LHFPL3: variants seen among roughly 807,000 people sequenced by gnomAD.
LHFPL3 encodes the protein LHFPL tetraspan subfamily member 3.
A neutral mutation model predicts 19.3 loss-of-function variants in LHFPL3; 5 were observed. That is an observed-to-expected ratio of 0.26 (90% CI 0.14 to 0.54). The LOEUF is 0.54. LHFPL3 is among the 20% of genes least tolerant of loss of function. LHFPL3 has a pLI of 0.94. For synonymous variants in LHFPL3, 133 were observed against 126.2 expected, an observed-to-expected ratio of 1.05 and a Z score of -0.36; for missense variants, 249 against 307.4, an observed-to-expected ratio of 0.81 and a Z score of 1.42.
intron 1 of LHFPL3, among the ~76,000 whole-genome samples, chr7:104,339,063 C>T (rs1378435599): frequency 2.6e-5 from 4 of 152,070 alleles, no homozygotes; most frequent in African/African-American, 9.7e-5. Flanking sequence ...GCCTGACCAA[C>T]ATGGTGAAAC....
intron 1 of LHFPL3, among the ~76,000 whole-genome samples, chr7:104,717,460 G>A (rs1465220927): frequency 1.3e-5 from 2 of 152,004 alleles, no homozygotes; most frequent in East Asian, 3.9e-4. Context: ...ACACAATAGA[G>A]AAAAACTAAT....
intron 1 of LHFPL3, among the ~76,000 whole-genome samples, chr7:104,525,797 G>C (rs773601022): frequency 6.6e-6 from 1 of 152,048 alleles, no homozygotes; most frequent in African/African-American, 2.4e-5. Flanking sequence ...AGTAGAGACA[G>C]AGTTTTGCCA....
At chr7:104,468,358 A>G (rs1237048952) in intron 1 of LHFPL3, among the ~76,000 whole-genome samples, 2 of 152,186 alleles carry the variant, frequency 1.3e-5, no homozygotes, top group Non-Finnish European at 2.9e-5. Flanking sequence ...GCGATTTTTA[A>G]TTTCCCAACC....
At chr7:104,900,560 A>G (rs1792463128) in intron 2 of LHFPL3, among the ~76,000 whole-genome samples, 1 of 152,166 alleles carries the variant, frequency 6.6e-6, no homozygotes, top group Admixed American at 6.5e-5. Flanking sequence ...CTGTGTTGAA[A>G]TCGGTATGTC....
intron 2 of LHFPL3, among the ~76,000 whole-genome samples, chr7:104,748,266 C>T (rs1794088755): frequency 6.6e-6 from 1 of 151,902 alleles, no homozygotes; most frequent in Non-Finnish European, 1.5e-5. Flanking sequence ...TCCAAGGTTT[C>T]TCCCCATGTG....
rs1792417516 is a variant in LHFPL3, at chr7:104,668,892, A to C, written c.446-67783A>C. On this transcript the variant is annotated intron_variant, in intron 1 of 2. Coordinates refer to ENST00000424859, the MANE Select transcript of LHFPL3 (RefSeq NM_199000.3). Reference sequence around the variant, plus strand: ...GTAGAAGAACGGCTACGAAGGAACAAGAGAAGTTGCAGCGTCAGCTGGATG... The same window carrying C: ...GTAGAAGAACGGCTACGAAGGAACACGAGAAGTTGCAGCGTCAGCTGGATG... The C allele has an allele frequency of 1.1e-5, 17 of 1,612,206 alleles. No individual in the cohort carries two copies. The South Asian group carries it at 1.5e-4, about 15-fold the overall frequency.
chr7:104,372,533 T>A (rs1309274987), intron 1 of LHFPL3, among the ~76,000 whole-genome samples: 10 of 152,184 alleles, frequency 6.6e-5, no homozygotes, highest in Non-Finnish European at 2.9e-5. Context: ...GGAGGCAATA[T>A]GCTGTGGAGG....
chr7:104,866,563 CAG>C (rs1791726500), intron 2 of LHFPL3, among the ~76,000 whole-genome samples: 2 of 152,170 alleles, frequency 1.3e-5, no homozygotes, highest in Admixed American at 1.3e-4. Flanking sequence ...CAGGAGCACC[CAG>C]ATTCATAAAG....
intron 1 of LHFPL3, among the ~76,000 whole-genome samples, chr7:104,423,782 A>G: frequency 6.6e-6 from 1 of 151,862 alleles, no homozygotes; most frequent in African/African-American, 2.4e-5. Context: ...TCAAGGCTGC[A>G]GTGAGCCGTG....
intron 1 of LHFPL3, among the ~76,000 whole-genome samples, chr7:104,583,138 G>A (rs1053803721): frequency 4.0e-5 from 6 of 151,882 alleles, no homozygotes; most frequent in Non-Finnish European, 5.9e-5. Flanking sequence ...ACAGAACAGA[G>A]CCCTCAGAAA....
chr7:104,875,667 A>G (rs1165848135), intron 2 of LHFPL3, among the ~76,000 whole-genome samples: 1 of 152,250 alleles, frequency 6.6e-6, no homozygotes, highest in Non-Finnish European at 1.5e-5. Context: ...AAGCCTCTTT[A>G]GAAGTCTTTA....
At chr7:104,883,970 C>T (rs2116690759) in intron 2 of LHFPL3, among the ~76,000 whole-genome samples, 2 of 152,260 alleles carry the variant, frequency 1.3e-5, no homozygotes, top group South Asian at 4.1e-4. Flanking sequence ...TTCAGCAGTG[C>T]AACACGTGGT....
intron 2 of LHFPL3, among the ~76,000 whole-genome samples, chr7:104,880,421 A>G (rs1326256134): frequency 6.6e-6 from 1 of 152,208 alleles, no homozygotes; most frequent in Non-Finnish European, 1.5e-5. Flanking sequence ...CTCTTTCTGC[A>G]TAAATTACCC....
rs534175807 is a variant in LHFPL3, at chr7:104,368,070, A to G, written c.445+38846A>G. On this transcript the variant is annotated intron_variant, in intron 1 of 2. Transcript: ENST00000424859. Reference sequence around the variant, plus strand: ...ATTCAGTGTTCTTGCTAGGATGTTTATCCATAGAGAGAAGTATTGAGTGAA... The same window carrying G: ...ATTCAGTGTTCTTGCTAGGATGTTTGTCCATAGAGAGAAGTATTGAGTGAA... Among the ~76,000 whole-genome samples, 3 of 152,318 alleles carry G rather than the reference A, an allele frequency of 2.0e-5. No homozygotes were observed. The East Asian group carries it at 5.8e-4, about 29-fold the overall frequency.
intron 1 of LHFPL3, among the ~76,000 whole-genome samples, chr7:104,541,102 T>C (rs1444251892): frequency 1.5e-5 from 1 of 65,578 alleles, no homozygotes; most frequent in Non-Finnish European, 3.5e-5. Context: ...ATCCTCCCCA[T>C]GACACACACA....
At chr7:104,766,487 T>A (rs1175765443) in intron 2 of LHFPL3, among the ~76,000 whole-genome samples, 1 of 152,224 alleles carries the variant, frequency 6.6e-6, no homozygotes, top group Non-Finnish European at 1.5e-5. Context: ...CTTAATGGGC[T>A]AAATTTCACC....
At position 104,662,494 on chromosome 7, in the gene LHFPL3, A is replaced by G. The variant is rs146966117; in HGVS notation, c.446-74181A>G. On this transcript the variant is annotated intron_variant, in intron 1 of 2. Coordinates refer to ENST00000424859, the MANE Select transcript of LHFPL3 (RefSeq NM_199000.3). Reference sequence around the variant, plus strand: ...ATAATTTACCCAAAGTTACACAGCTAAAAAATGAAGGTGCCTAGGGTCAAA... The same window carrying G: ...ATAATTTACCCAAAGTTACACAGCTGAAAAATGAAGGTGCCTAGGGTCAAA... Among the ~76,000 whole-genome samples the G allele has an allele frequency of 6.6e-4, 101 of 152,296 alleles. No individual in the cohort carries two copies. In the East Asian group the frequency reaches 0.018, roughly 28 times the overall value.
chr7:104,677,951 T>C (rs1359450594), intron 1 of LHFPL3, among the ~76,000 whole-genome samples: 3 of 152,192 alleles, frequency 2.0e-5, no homozygotes, highest in Non-Finnish European at 4.4e-5. Context: ...GACAGTGCAG[T>C]CTGTGGCAGA....
intron 1 of LHFPL3, among the ~76,000 whole-genome samples, chr7:104,688,296 T>A (rs1049351054): frequency 6.6e-6 from 1 of 152,154 alleles, no homozygotes; most frequent in Admixed American, 6.6e-5. Flanking sequence ...TCTTCTAAGA[T>A]TGCCCTGAGT....
Sources: allele counts gnomAD v4.1 joint callset (sites outside exome capture counted in the v4.1 genomes callset), GRCh38; gene constraint gnomAD v4.1.1; transcripts MANE v1.5; gene names NCBI Gene and HGNC (gene_info 2026-07-23, HGNC 2026-07-21).